Variants in CSMD3 observed in about 807,000 individuals in gnomAD.
CSMD3 encodes CUB and sushi domain-containing protein 3.
CSMD3 carries 177 observed loss-of-function variants against 435.2 expected under a neutral mutation model. The ratio of observed to expected loss-of-function variants is 0.41; its 90% CI spans 0.36 to 0.46. The LOEUF (loss-of-function observed/expected upper bound fraction) is 0.46. Among genes scored for constraint, CSMD3 ranks in the 20% least tolerant of loss-of-function variants. The pLI is 0.34. For synonymous variants in CSMD3, 1,656 were observed against 1,520.5 expected (o/e 1.09, Z -2.07); for missense variants, 4,265 against 4,504.6 (o/e 0.95, Z 1.52).
intron 3 of CSMD3, among the ~76,000 whole-genome samples, chr8:113,234,738 G>A (rs999074646): frequency 6.6e-6 from 1 of 152,094 alleles, no homozygotes; most frequent in African/African-American, 2.4e-5. Flanking sequence ...AGCAAGTAAT[G>A]CCTGAGTTCA....
At chr8:112,259,329 C>T (rs1425145156) in intron 61 of CSMD3, among the ~76,000 whole-genome samples, 1 of 152,110 alleles carries the variant, frequency 6.6e-6, no homozygotes, top group Non-Finnish European at 1.5e-5. Context: ...TCTCAGCAAA[C>T]TAACACAAGA....
At chr8:113,099,542 T>C (rs982706879) in intron 4 of CSMD3, among the ~76,000 whole-genome samples, 1 of 152,118 alleles carries the variant, frequency 6.6e-6, no homozygotes, top group African/African-American at 2.4e-5. Context: ...ATAGGGTAAC[T>C]AATATAACTT....
chr8:113,419,042 G>A (rs1018970587), intron 1 of CSMD3, among the ~76,000 whole-genome samples: 5 of 151,686 alleles, frequency 3.3e-5, no homozygotes, highest in African/African-American at 1.2e-4. Flanking sequence ...AGGTAAAACA[G>A]AATTTATGTA....
intron 13 of CSMD3, among the ~76,000 whole-genome samples, chr8:112,785,255 T>C (rs1364281827): frequency 6.6e-6 from 1 of 151,790 alleles, no homozygotes; most frequent in Non-Finnish European, 1.5e-5. Flanking sequence ...AGAAGGAACA[T>C]ACATCAACAG....
At chr8:112,312,547 C>T (rs1451680184) in intron 49 of CSMD3, among the ~76,000 whole-genome samples, 3 of 152,040 alleles carry the variant, frequency 2.0e-5, no homozygotes, top group Non-Finnish European at 4.4e-5. Flanking sequence ...TGAGCCACCG[C>T]GCCTGGCCAT....
intron 22 of CSMD3, among the ~76,000 whole-genome samples, chr8:112,620,758 C>T (rs1834006665): frequency 6.6e-6 from 1 of 152,090 alleles, no homozygotes. Context: ...TTTTTTGCCT[C>T]TATAATTTCC....
rs2130688886 is a variant in CSMD3, at chr8:112,292,600, C to T, written c.8725G>A (p.Gly2909Arg). The T allele has an allele frequency of 6.2e-7, 1 of 1,613,754 alleles. No homozygotes were observed. The highest frequency in any genetic ancestry group is 8.5e-7 in the Non-Finnish European group (1 of 1,179,784). The change falls in exon 55 of 71, where the codon GGG (glycine) becomes AGG (arginine). Residue 2909 changes from glycine (G) to arginine (R), a missense_variant. Gly to Arg is a moderately radical substitution (Grantham distance 125). Coordinates refer to ENST00000297405, the MANE Select transcript of CSMD3 (RefSeq NM_198123.2). ...GCCTGGCACTGTGCCTTTGTTGGCC[C>T]TTGCATAAGATACCCAATATTGCAT... is the stretch of plus-strand genomic sequence containing the variant. The part of the protein sequence containing the change: ...FSCNIGYLMQ[G>R]PTKAQCQANR...
At chr8:112,861,083 A>T (rs1173371048) in intron 10 of CSMD3, among the ~76,000 whole-genome samples, 1 of 151,830 alleles carries the variant, frequency 6.6e-6, no homozygotes, top group African/African-American at 2.4e-5. Context: ...CTTGCATAAT[A>T]TATACTCCTC....
At chr8:112,277,578 T>C (rs1429764154) in intron 59 of CSMD3, among the ~76,000 whole-genome samples, 1 of 152,194 alleles carries the variant, frequency 6.6e-6, no homozygotes, top group Non-Finnish European at 1.5e-5. Flanking sequence ...AAGCCACTTC[T>C]ACATTTTGGG....
intron 11 of CSMD3, among the ~76,000 whole-genome samples, chr8:112,834,651 C>T (rs556392886): frequency 1.3e-5 from 2 of 151,344 alleles, no homozygotes; most frequent in South Asian, 4.2e-4. Flanking sequence ...ATGAAAGTGG[C>T]CAAATAGACA....
chr8:112,904,968 T>C (rs2082216473), intron 10 of CSMD3, among the ~76,000 whole-genome samples: 1 of 151,374 alleles, frequency 6.6e-6, no homozygotes, highest in Non-Finnish European at 1.5e-5. Flanking sequence ...TTAGGATTCC[T>C]GTTGATAATG....
chr8:112,433,810 T>C (rs1300921664), intron 32 of CSMD3, among the ~76,000 whole-genome samples: 1 of 152,102 alleles, frequency 6.6e-6, no homozygotes, highest in Non-Finnish European at 1.5e-5. Flanking sequence ...CTTTTGTATT[T>C]AGTGAGTTAA....
intron 2 of CSMD3, among the ~76,000 whole-genome samples, chr8:113,308,785 C>T (rs536925767): frequency 7.2e-5 from 11 of 152,060 alleles, no homozygotes; most frequent in Admixed American, 3.3e-4. Flanking sequence ...TGAACTTTAC[C>T]ACCTGTAGAC....
At chr8:113,177,314 TGAA>T (rs1205444350) in intron 3 of CSMD3, among the ~76,000 whole-genome samples, 1 of 151,744 alleles carries the variant, frequency 6.6e-6, no homozygotes, top group East Asian at 1.9e-4. Flanking sequence ...ATAAGTATAA[TGAA>T]GAATTTTTTT....
intron 3 of CSMD3, among the ~76,000 whole-genome samples, chr8:113,195,662 A>G (rs1455864563): frequency 2.0e-5 from 3 of 150,330 alleles, no homozygotes; most frequent in African/African-American, 7.3e-5. Context: ...TCATGATGAG[A>G]AAGAACCTAA....
intron 4 of CSMD3, among the ~76,000 whole-genome samples, chr8:113,169,807 G>A (rs1197677147): frequency 6.6e-6 from 1 of 152,116 alleles, no homozygotes; most frequent in Non-Finnish European, 1.5e-5. Flanking sequence ...GGGTTAAGAA[G>A]GATTCTAAAG....
chr8:112,547,929 A>G (rs974905281), intron 27 of CSMD3, among the ~76,000 whole-genome samples: 12 of 152,306 alleles, frequency 7.9e-5, no homozygotes, highest in Admixed American at 2.6e-4. Context: ...TTAGCGGATG[A>G]ACATATGAAT....
rs2132491802 is a variant in CSMD3, at chr8:113,284,717, A to T, written c.402-6013T>A. Among the ~76,000 whole-genome samples the T allele has an allele frequency of 2.0e-5, 3 of 152,308 alleles. No homozygotes were observed. The South Asian group carries it at 6.2e-4, about 32-fold the overall frequency. The stretch of plus-strand genomic sequence containing the variant: ...TTTAAAAGCATACTATTTTATAGAT[A>T]AGTATGCTATTTTTCCATGTAATTA... On this transcript the variant is annotated intron_variant, in intron 2 of 70. Transcript: ENST00000297405.
chr8:112,513,160 G>T (rs1208322248), intron 28 of CSMD3, among the ~76,000 whole-genome samples: 1 of 152,174 alleles, frequency 6.6e-6, no homozygotes, highest in Non-Finnish European at 1.5e-5. Context: ...CACTAGAGTA[G>T]AATTTTCAAT....
Sources: allele counts gnomAD v4.1 joint callset (sites outside exome capture counted in the v4.1 genomes callset), GRCh38; gene constraint gnomAD v4.1.1; transcripts MANE v1.5; gene names NCBI Gene and HGNC (gene_info 2026-07-23, HGNC 2026-07-21).